ZNRF3: variants seen among roughly 807,000 people sequenced by gnomAD.
ZNRF3 encodes the protein E3 ubiquitin-protein ligase ZNRF3.
ZNRF3 carries 23 observed loss-of-function variants against 72.5 expected under a neutral mutation model. The observed-to-expected ratio is 0.32, with a 90% confidence interval of 0.23 to 0.45. The LOEUF (loss-of-function observed/expected upper bound fraction) is 0.45, where lower values mean the gene tolerates loss of function less well. Among genes scored for constraint, ZNRF3 ranks in the 20% least tolerant of loss-of-function variants. The pLI, the probability that ZNRF3 is intolerant of heterozygous loss-of-function variation, is 1.00. For missense variants in ZNRF3, 1,169 were observed against 1,272.1 expected, an observed-to-expected ratio of 0.92 and a Z score of 1.23; for synonymous variants, 610 against 545.3, an observed-to-expected ratio of 1.12 and a Z score of -1.65.
chr22:29,012,661 C>T (rs1367395039), intron 2 of ZNRF3, among the ~76,000 whole-genome samples: 2 of 152,168 alleles, frequency 1.3e-5, no homozygotes, highest in East Asian at 1.9e-4. Flanking sequence ...CATCGAGGGC[C>T]GTTAACTTAC....
At chr22:28,937,213 ATATTT>A (rs1208153949) in intron 1 of ZNRF3, among the ~76,000 whole-genome samples, 4 of 4,222 alleles carry the variant, frequency 9.5e-4, no homozygotes, top group African/African-American at 2.2e-3. Flanking sequence ...ATATATATAT[ATATTT>A]TTTTTTTTTT....
At chr22:28,944,703 C>T (rs1300317063) in intron 1 of ZNRF3, among the ~76,000 whole-genome samples, 2 of 145,172 alleles carry the variant, frequency 1.4e-5, no homozygotes, top group African/African-American at 5.2e-5. Context: ...TGCAGTGAGC[C>T]AAGATTGTGC....
At chr22:28,997,293 C>T (rs1168051877) in intron 2 of ZNRF3, among the ~76,000 whole-genome samples, 1 of 152,034 alleles carries the variant, frequency 6.6e-6, no homozygotes, top group Non-Finnish European at 1.5e-5. Flanking sequence ...CTGACGGTAT[C>T]GTACCTTCCC....
intron 1 of ZNRF3, among the ~76,000 whole-genome samples, chr22:28,968,269 T>C (rs1027443440): frequency 2.6e-5 from 4 of 152,270 alleles, no homozygotes; most frequent in African/African-American, 9.6e-5. Context: ...ATGTCTGTTT[T>C]TCATTTCTAG....
At chr22:28,991,273 C>T (rs1158321026) in intron 2 of ZNRF3, among the ~76,000 whole-genome samples, 1 of 84,322 alleles carries the variant, frequency 1.2e-5, no homozygotes, top group African/African-American at 4.9e-5. Context: ...CAGAGAGACC[C>T]TCTCTCAAAA....
chr22:29,046,963 G>T (rs2037085036), intron 6 of ZNRF3, 80 bp downstream of exon 6: 6 of 1,321,212 alleles, frequency 4.5e-6, no homozygotes, highest in African/African-American at 3.0e-5. Flanking sequence ...AGAAGGACAG[G>T]GCCCTGTGTT....
At chr22:29,020,776 G>GGGGTGT (rs1039624991) in intron 2 of ZNRF3, among the ~76,000 whole-genome samples, 2 of 86,040 alleles carry the variant, frequency 2.3e-5, no homozygotes, top group Non-Finnish European at 6.2e-5. Flanking sequence ...TGTGTGTGTG[G>GGGGTGT]GTGTGTGTGT....
chr22:28,920,265 CTATTT>C (rs1473120744), intron 1 of ZNRF3, among the ~76,000 whole-genome samples: 3 of 150,800 alleles, frequency 2.0e-5, no homozygotes, highest in Non-Finnish European at 4.4e-5. Flanking sequence ...CGTGCCTGGC[CTATTT>C]TATTTTATTT....
At position 29,044,906 on chromosome 22, in the gene ZNRF3, G is replaced by A. The variant is rs754941988; in HGVS notation, c.744+16G>A. 1 of 1,583,256 alleles carries A rather than the reference G, an allele frequency of 6.3e-7. No homozygotes were observed. Among genetic ancestry groups the A allele is most frequent in the Non-Finnish European group, 8.7e-7 (1 of 1,152,096 alleles). ...ACGCAGTCAGGTAGTGCCTCTGTGT[G>A]TAGCCCGTGAGCAGTAACCCCTCTT... On this transcript the variant is annotated intron_variant, in intron 5 of 8. Coordinates refer to ENST00000544604, the MANE Select transcript of ZNRF3 (RefSeq NM_001206998.2).
chr22:28,975,857 A>G (rs879827416), intron 1 of ZNRF3, among the ~76,000 whole-genome samples: 6 of 137,154 alleles, frequency 4.4e-5, no homozygotes, highest in South Asian at 4.6e-4. Flanking sequence ...CTTCCCCCCA[A>G]ATTTGAGCCA....
intron 1 of ZNRF3, among the ~76,000 whole-genome samples, chr22:28,946,902 G>A (rs1239663751): frequency 2.6e-5 from 4 of 152,168 alleles, no homozygotes; most frequent in Admixed American, 6.5e-5. Flanking sequence ...CAGGCCTTAC[G>A]CTTCCTCAGC....
At chr22:28,953,269 C>A (rs1350760660) in intron 1 of ZNRF3, among the ~76,000 whole-genome samples, 1 of 152,126 alleles carries the variant, frequency 6.6e-6, no homozygotes, top group African/African-American at 2.4e-5. Context: ...CTAGCCATAC[C>A]CTTGTTATTC....
intron 1 of ZNRF3, among the ~76,000 whole-genome samples, chr22:28,955,002 A>T (rs1387725231): frequency 1.3e-5 from 2 of 150,264 alleles, no homozygotes; most frequent in African/African-American, 4.9e-5. Context: ...TGATGGCATC[A>T]CAGGTTTGGT....
chr22:28,981,356 TTA>T (rs1274407161), intron 1 of ZNRF3, among the ~76,000 whole-genome samples: 1 of 152,190 alleles, frequency 6.6e-6, no homozygotes, highest in Non-Finnish European at 1.5e-5. Context: ...TAATTCTTTT[TTA>T]TCTTTTTAAA....
chr22:28,887,645 C>G (rs1001126815), intron 1 of ZNRF3, among the ~76,000 whole-genome samples: 1 of 152,132 alleles, frequency 6.6e-6, no homozygotes, highest in Non-Finnish European at 1.5e-5. Flanking sequence ...TGTATTTATG[C>G]AGTATTAAAG....
At chr22:28,944,779 G>T (rs919442122) in intron 1 of ZNRF3, among the ~76,000 whole-genome samples, 1 of 144,950 alleles carries the variant, frequency 6.9e-6, no homozygotes, top group Non-Finnish European at 1.5e-5. Context: ...AAAAAGATTA[G>T]CGGGGGTATG....
chr22:28,934,726 A>G (rs562960159), intron 1 of ZNRF3, among the ~76,000 whole-genome samples: 2 of 151,900 alleles, frequency 1.3e-5, no homozygotes, highest in East Asian at 3.9e-4. Context: ...GCTGAAGCAC[A>G]AGAATCTCTT....
intron 1 of ZNRF3, among the ~76,000 whole-genome samples, chr22:28,939,231 C>A (rs2034895462): frequency 1.3e-5 from 2 of 149,728 alleles, no homozygotes; most frequent in Non-Finnish European, 3.0e-5. Flanking sequence ...TAGCAGTGAG[C>A]CAAGATTGTG....
At position 29,049,863 on chromosome 22, in the gene ZNRF3, A is replaced by G. The variant is rs895514890; in HGVS notation, c.1682A>G (p.His561Arg). ...SSSSSSSGQCHCSSSDSVVDC... is the reference protein window; with the variant it reads ...SSSSSSSGQCRCSSSDSVVDC... ...AGCAGCAGCAGCTCCGGCCAGTGCC[A>G]CTGTTCCTCCAGTGACTCTGTGGTA... Residue 561 changes from histidine (H) to arginine (R), a missense_variant, in exon 8 of 9, where the codon CAC becomes CGC. His to Arg is a conservative substitution (Grantham distance 29). Coordinates refer to ENST00000544604, the MANE Select transcript of ZNRF3 (RefSeq NM_001206998.2). The surrounding 1 kb of genome is among the most constrained non-coding windows in gnomAD (Gnocchi z 5.2). 5.6e-6 allele frequency: 9 copies of G among 1,606,144 alleles called. No homozygotes were observed. In the Admixed American group the frequency reaches 1.2e-4, roughly 21 times the overall value.
Sources: gnomAD v4.1 joint callset for allele counts (sites outside exome capture counted in the v4.1 genomes callset) on GRCh38, gnomAD v4.1.1 for gene constraint, Gnocchi (gnomAD v3.1) non-coding constraint, MANE v1.5 for transcripts, NCBI Gene and HGNC (gene_info 2026-07-23, HGNC 2026-07-21) for gene names.